Variants in APBA1 observed in about 807,000 individuals in gnomAD.
The protein encoded by APBA1 is amyloid beta precursor protein binding family A member 1, also known as amyloid-beta A4 precursor protein-binding family A member 1.
A neutral mutation model predicts 86.6 loss-of-function variants in APBA1; 55 were observed. The observed-to-expected ratio is 0.64, with a 90% confidence interval of 0.51 to 0.80. APBA1 has a LOEUF of 0.80. Among genes scored for constraint, APBA1 ranks in the 30% least tolerant of loss-of-function variants. The pLI is 0.00. For synonymous variants in APBA1, 511 were observed against 493.9 expected (o/e 1.03, Z -0.46); for missense variants, 1,090 against 1,183.0 (o/e 0.92, Z 1.15).
intron 2 of APBA1, among the ~76,000 whole-genome samples, chr9:69,494,867 C>A (rs1367978722): frequency 6.6e-6 from 1 of 152,150 alleles, no homozygotes. Context: ...GTGTGTCAGG[C>A]ACTGTACAAG....
At chr9:69,459,408 T>C (rs1376617047) in intron 5 of APBA1, among the ~76,000 whole-genome samples, 1 of 152,274 alleles carries the variant, frequency 6.6e-6, no homozygotes, top group East Asian at 1.9e-4. Context: ...CCAGCTGTTA[T>C]GTGGATTTGT....
At chr9:69,595,674 T>C (rs958288694) in intron 1 of APBA1, among the ~76,000 whole-genome samples, 3 of 152,202 alleles carry the variant, frequency 2.0e-5, no homozygotes, top group African/African-American at 7.2e-5. Flanking sequence ...AATCTAGCTA[T>C]ATCCACAGTG....
At chr9:69,454,673 T>C (rs1237338518) in intron 8 of APBA1, among the ~76,000 whole-genome samples, 1 of 152,120 alleles carries the variant, frequency 6.6e-6, no homozygotes, top group Non-Finnish European at 1.5e-5. Flanking sequence ...AATCTTTCCT[T>C]TCTTCCCTGA....
chr9:69,456,116 C>G, intron 8 of APBA1, 131 bp downstream of exon 8: 1 of 1,050,000 alleles, frequency 9.5e-7, no homozygotes. Flanking sequence ...ATCTCTAGTG[C>G]TGGAACAGTG....
chr9:69,633,392 G>T (rs1588403475), intron 1 of APBA1, among the ~76,000 whole-genome samples: 1 of 152,134 alleles, frequency 6.6e-6, no homozygotes, highest in East Asian at 1.9e-4. Context: ...GGTAGCACCT[G>T]GAATACTTTC....
intron 4 of APBA1, among the ~76,000 whole-genome samples, chr9:69,470,674 C>A (rs992730253): frequency 6.6e-6 from 1 of 152,184 alleles, no homozygotes. Context: ...TGACTGTTTA[C>A]GCACAGGATC....
At chr9:69,551,745 G>C (rs1370089991) in intron 1 of APBA1, among the ~76,000 whole-genome samples, 1 of 152,160 alleles carries the variant, frequency 6.6e-6, no homozygotes, top group African/African-American at 2.4e-5. Context: ...TTGAAGGCAA[G>C]GAGAAACAAG....
intron 2 of APBA1, among the ~76,000 whole-genome samples, chr9:69,491,868 G>T (rs58534303): frequency 0.045 from 6,776 of 150,930 alleles, 532 homozygotes; most frequent in African/African-American, 0.15. Flanking sequence ...AGGTTCAAGC[G>T]ATTCTCCTGC....
chr9:69,566,756 A>T (rs952847165), intron 1 of APBA1, among the ~76,000 whole-genome samples: 1 of 152,060 alleles, frequency 6.6e-6, no homozygotes, highest in African/African-American at 2.4e-5. Flanking sequence ...GGCGTCTTCA[A>T]TGCTGGCTCC....
rs1439165938 is a variant in APBA1, at chr9:69,428,494, A to ACCAGGAGGGT, written c.*2832_*2833insACCCTCCTGG. On this transcript the variant is annotated 3_prime_UTR_variant, in exon 13 of 13. Coordinates refer to ENST00000265381, the MANE Select transcript of APBA1 (RefSeq NM_001163.4). ...GATGGGTTCTGGTGCCTCTGCCTGG[A>ACCAGGAGGGT]CCAGGAGGGGGAGGTGAACGTGGGA... The ACCAGGAGGGT allele has an allele frequency of 3.3e-5, 5 of 152,158 alleles. No homozygotes were observed. The highest frequency in any genetic ancestry group is 7.3e-5 in the Non-Finnish European group (5 of 68,060). 9.4% of individuals were successfully genotyped at this position (152,158 alleles called of 1,614,324 possible).
intron 1 of APBA1, among the ~76,000 whole-genome samples, chr9:69,599,727 C>T (rs1822309459): frequency 6.6e-6 from 1 of 152,134 alleles, no homozygotes; most frequent in South Asian, 2.1e-4. Context: ...ATGCAGACCT[C>T]CTGAATCACA....
rs116885863 is a variant in APBA1 at position 69,572,247 on chromosome 9, G to A, written c.-69-54968C>T. 3.2e-4 allele frequency among the ~76,000 whole-genome samples: 49 copies of A among 152,132 alleles called. No homozygotes were observed. In the East Asian group the frequency reaches 5.0e-3, roughly 16 times the overall value. ...TCCTGATGCTCTCCCAACGTGTGCC[G>A]TCCCCCCTGACAGGCCCCAGTGTGT... On this transcript the variant is annotated intron_variant, in intron 1 of 12. Transcript: ENST00000265381.
At chr9:69,651,344 C>G (rs189949500) in intron 1 of APBA1, among the ~76,000 whole-genome samples, 1 of 152,202 alleles carries the variant, frequency 6.6e-6, no homozygotes, top group Admixed American at 6.5e-5. Flanking sequence ...GGTGGTTACA[C>G]AGGTTTATAC....
At chr9:69,539,425 C>T (rs749322199) in intron 1 of APBA1, among the ~76,000 whole-genome samples, 5 of 152,164 alleles carry the variant, frequency 3.3e-5, no homozygotes, top group Non-Finnish European at 4.4e-5. Flanking sequence ...TTTTCATACC[C>T]TATATCAAGT....
chr9:69,636,923 G>GAAGGAAGGAAAA (rs1564098957), intron 1 of APBA1, among the ~76,000 whole-genome samples: 1 of 98,012 alleles, frequency 1.0e-5, no homozygotes, highest in Non-Finnish European at 2.0e-5. Flanking sequence ...AGGAAGGAAG[G>GAAGGAAGGAAAA]AAAGAAAGAA....
chr9:69,432,208 G>A (rs1834613392), intron 12 of APBA1, among the ~76,000 whole-genome samples: 1 of 152,200 alleles, frequency 6.6e-6, no homozygotes, highest in Non-Finnish European at 1.5e-5. Flanking sequence ...AAAAACATTT[G>A]GGGAGATTAA....
intron 1 of APBA1, among the ~76,000 whole-genome samples, chr9:69,599,243 AAATTTT>A (rs1822300063): frequency 6.6e-6 from 1 of 152,258 alleles, no homozygotes; most frequent in Non-Finnish European, 1.5e-5. Context: ...AAACTAGTCT[AAATTTT>A]AATTGCATAT....
chr9:69,433,373 G>A (rs750667464), intron 11 of APBA1, among the ~76,000 whole-genome samples: 1 of 152,192 alleles, frequency 6.6e-6, no homozygotes, highest in South Asian at 2.1e-4. Context: ...TTACTAAGTT[G>A]GCTTTTCATT....
rs545610842 is a variant in APBA1, at chr9:69,481,298, G to A, written c.1201-5155C>T. 8.2e-3 allele frequency among the ~76,000 whole-genome samples: 1,236 copies of A among 150,442 alleles called. 18 individuals carry two copies. The highest frequency in any genetic ancestry group is 0.028 in the African/African-American group (1,130 of 40,654). ...AAGTCTCAGGATACAAAATCAATGT[G>A]CAAAAATCACAAGCATTCTTATACA... is the stretch of plus-strand genomic sequence containing the variant. On this transcript the variant is annotated intron_variant, in intron 2 of 12. Coordinates refer to ENST00000265381, the MANE Select transcript of APBA1 (RefSeq NM_001163.4).
Sources: gnomAD v4.1 joint callset for allele counts (sites outside exome capture counted in the v4.1 genomes callset) on GRCh38, gnomAD v4.1.1 for gene constraint, MANE v1.5 for transcripts, NCBI Gene and HGNC (gene_info 2026-07-23, HGNC 2026-07-21) for gene names.